Variants in ANK3 observed in about 807,000 individuals in gnomAD.
ANK3 encodes ankyrin 3, also known as ankyrin-3.
Under a neutral mutation model 370.9 loss-of-function variants are expected in ANK3, and 57 were observed. That is an observed-to-expected ratio of 0.15 (90% confidence interval 0.12 to 0.19). ANK3 has a LOEUF of 0.19. ANK3 is among the 10% of genes least tolerant of loss of function. The pLI is 1.00. For missense variants in ANK3, 4,439 were observed against 5,302.1 expected (o/e 0.84, Z 5.06); for synonymous variants, 1,929 against 1,946.3 (o/e 0.99, Z 0.23).
intron 1 of ANK3, among the ~76,000 whole-genome samples, chr10:60,386,464 T>G (rs1411784849): frequency 1.3e-5 from 2 of 151,794 alleles, no homozygotes; most frequent in African/African-American, 4.8e-5. Context: ...TTAACACTAC[T>G]TAAGTTATGT....
chr10:60,110,938 A>G (rs1202890704), intron 26 of ANK3, among the ~76,000 whole-genome samples: 1 of 152,222 alleles, frequency 6.6e-6, no homozygotes, highest in Non-Finnish European at 1.5e-5. Flanking sequence ...CTGAGTCTCA[A>G]CAATATAGAG....
At position 60,696,328 on chromosome 10, in the gene ANK3, G is replaced by A. The variant is rs2079449190; in HGVS notation, c.57+36935C>T. ...AGCCGAATTCTACCAGAGGTACAAG[G>A]AGGAGCTGGTACCATTCCTTCTGAA... is the stretch of plus-strand genomic sequence containing the variant. On this transcript the variant is annotated intron_variant, in intron 1 of 43. Transcript: ENST00000373827. Among the ~76,000 whole-genome samples, 2 of 149,178 alleles carry A rather than the reference G, an allele frequency of 1.3e-5. 1 individual carries two copies. Among genetic ancestry groups the A allele is most frequent in the African/African-American group, 5.0e-5 (2 of 39,990 alleles).
At chr10:60,466,887 C>T (rs1352421064) in intron 2 of ANK3, among the ~76,000 whole-genome samples, 1 of 152,156 alleles carries the variant, frequency 6.6e-6, no homozygotes, top group Non-Finnish European at 1.5e-5. Flanking sequence ...ACATACATCA[C>T]TAGTCACCTA....
At chr10:60,445,550 A>T (rs1313969746) in intron 2 of ANK3, among the ~76,000 whole-genome samples, 1 of 151,498 alleles carries the variant, frequency 6.6e-6, no homozygotes, top group East Asian at 1.9e-4. Flanking sequence ...CTTCTACTAA[A>T]AAAAAAAAAA....
chr10:60,030,378 G>A (rs575427357), intron 43 of ANK3, among the ~76,000 whole-genome samples: 9 of 152,148 alleles, frequency 5.9e-5, no homozygotes, highest in Admixed American at 1.3e-4. Flanking sequence ...TCCTGACCTC[G>A]TGAGCCGCCC....
At chr10:60,406,141 A>G (rs1472402968) in intron 2 of ANK3, among the ~76,000 whole-genome samples, 1 of 152,226 alleles carries the variant, frequency 6.6e-6, no homozygotes, top group Non-Finnish European at 1.5e-5. Flanking sequence ...AAGGGGCTAT[A>G]TAGTAGATAT....
At chr10:60,101,118 G>T (rs4948387) in intron 28 of ANK3, among the ~76,000 whole-genome samples, 83,551 of 151,962 alleles carry the variant, frequency 0.55, 23,367 homozygotes, top group East Asian at 0.81. Flanking sequence ...TGTAACCAAT[G>T]TAAAAATTAA....
chr10:60,720,461 C>A (rs2079848060), intron 1 of ANK3, among the ~76,000 whole-genome samples: 1 of 152,044 alleles, frequency 6.6e-6, no homozygotes, highest in African/African-American at 2.4e-5. Flanking sequence ...TACAGAAATA[C>A]AAAATACTAT....
chr10:60,345,016 G>T (rs143434536), intron 1 of ANK3, among the ~76,000 whole-genome samples: 1 of 152,114 alleles, frequency 6.6e-6, no homozygotes, highest in African/African-American at 2.4e-5. Context: ...CCATGGGTTT[G>T]CTAGTAAATG....
intron 17 of ANK3, among the ~76,000 whole-genome samples, chr10:60,182,282 A>G (rs2096215636): frequency 6.6e-6 from 1 of 152,154 alleles, no homozygotes; most frequent in Non-Finnish European, 1.5e-5. Context: ...GTGAAATGTA[A>G]TGTGAATGCA....
In ANK3 at chr10:60,068,278, G is replaced by A. The variant is rs563345930; in HGVS notation, c.12245-269C>T. Among the ~76,000 whole-genome samples the A allele has an allele frequency of 1.3e-3, 202 of 152,228 alleles. 1 individual carries two copies. Among genetic ancestry groups the A allele is most frequent in the Non-Finnish European group, 2.2e-3 (150 of 68,014 alleles). On this transcript the variant is annotated intron_variant, in intron 37 of 43. Coordinates refer to ENST00000280772, the MANE Select transcript of ANK3 (RefSeq NM_020987.5). ...TAGTTTAAACAGTTACAGAAGTGTC[G>A]TGTTGGTGAAAACACCATGATGGGA... is the stretch of plus-strand genomic sequence containing the variant.
chr10:60,500,137 C>G (rs2075760733), intron 2 of ANK3, among the ~76,000 whole-genome samples: 1 of 152,130 alleles, frequency 6.6e-6, no homozygotes, highest in Admixed American at 6.6e-5. Flanking sequence ...GATGTCAGGT[C>G]TTAATAATAT....
chr10:60,264,249 T>C lies in ANK3; in HGVS notation c.514-229A>G, dbSNP rs79888049. 4.2e-4 allele frequency among the ~76,000 whole-genome samples: 64 copies of C among 152,330 alleles called. 2 individuals are homozygous for C. In the East Asian group the frequency reaches 0.012, roughly 28 times the overall value. The stretch of plus-strand genomic sequence containing the variant: ...TGTAATAAGTTCATGGGTTTTGGTT[T>C]TCTTTTCCATTAAAAATTAATATAC... On this transcript the variant is annotated intron_variant, in intron 5 of 43. Coordinates refer to ENST00000280772, the MANE Select transcript of ANK3 (RefSeq NM_020987.5).
intron 2 of ANK3, among the ~76,000 whole-genome samples, chr10:60,460,745 T>C (rs1158778359): frequency 6.6e-6 from 1 of 152,168 alleles, no homozygotes; most frequent in Non-Finnish European, 1.5e-5. Context: ...TTTATTCTCA[T>C]ATTTTCCACA....
intron 2 of ANK3, among the ~76,000 whole-genome samples, chr10:60,544,847 A>G (rs1362991211): frequency 6.6e-6 from 1 of 152,054 alleles, no homozygotes; most frequent in East Asian, 1.9e-4. Context: ...TCAACAAATA[A>G]TATTTTAACA....
chr10:60,185,961 A>C (rs181788087), intron 17 of ANK3, among the ~76,000 whole-genome samples: 1 of 152,346 alleles, frequency 6.6e-6, no homozygotes, highest in Admixed American at 6.5e-5. Context: ...AACAGTCTTC[A>C]CAAGTTCCTT....
chr10:60,663,195 C>T (rs572934533), intron 1 of ANK3, among the ~76,000 whole-genome samples: 130 of 152,300 alleles, frequency 8.5e-4, no homozygotes, highest in African/African-American at 2.9e-3. Flanking sequence ...ACATTCTTGG[C>T]CACCAGGAGG....
chr10:60,539,461 C>G (rs2076797119), intron 2 of ANK3, among the ~76,000 whole-genome samples: 1 of 151,864 alleles, frequency 6.6e-6, no homozygotes, highest in South Asian at 2.1e-4. Context: ...CCATTGTCTA[C>G]TAGGTATTTG....
chr10:60,572,925 A>C (rs1257847002), intron 2 of ANK3: 8 of 998,688 alleles, frequency 8.0e-6, no homozygotes, highest in African/African-American at 1.7e-5. Context: ...ACACACACAC[A>C]CCCTCACACA....
Sources: allele counts gnomAD v4.1 joint callset (sites outside exome capture counted in the v4.1 genomes callset), GRCh38; gene constraint gnomAD v4.1.1; transcripts MANE v1.5; gene names NCBI Gene and HGNC (gene_info 2026-07-23, HGNC 2026-07-21).